The following SPATS2 variants were observed in gnomAD, a reference collection of about 807,000 sequenced individuals.
SPATS2 encodes the protein spermatogenesis associated serine rich 2, also known as spermatogenesis-associated serine-rich protein 2.
A neutral mutation model predicts 63.7 loss-of-function variants in SPATS2; 38 were observed. That is an observed-to-expected ratio of 0.60 (90% confidence interval 0.46 to 0.78). The LOEUF (loss-of-function observed/expected upper bound fraction) is 0.78. Among genes scored for constraint, SPATS2 ranks in the 30% least tolerant of loss-of-function variants. The pLI, the probability that SPATS2 is intolerant of heterozygous loss-of-function variation, is 0.00. For synonymous variants in SPATS2, 207 were observed against 232.9 expected (o/e 0.89, Z 1.01); for missense variants, 588 against 666.2 (o/e 0.88, Z 1.29).
chr12:49,392,574 G>A lies in SPATS2; in HGVS notation c.-244+21284G>A, dbSNP rs541471056. Among the ~76,000 whole-genome samples the A allele has an allele frequency of 7.9e-4, 120 of 151,924 alleles. 1 individual carries two copies. The highest frequency in any genetic ancestry group is 2.7e-3 in the African/African-American group (111 of 41,456). On this transcript the variant is annotated intron_variant, in intron 2 of 13. Transcript: ENST00000552918. ...CAAAAAATACAAAAATTGGTCAGGC[G>A]TGGTGGCAGGTGCCTGTAGTCCCAG...
intron 2 of SPATS2, among the ~76,000 whole-genome samples, chr12:49,422,267 C>T (rs1377010898): frequency 6.6e-6 from 1 of 152,150 alleles, no homozygotes; most frequent in Non-Finnish European, 1.5e-5. Context: ...ACTCGCAAAC[C>T]TCAAGTTCTT....
At chr12:49,423,621 C>A (rs1008526486) in intron 2 of SPATS2, among the ~76,000 whole-genome samples, 1 of 152,136 alleles carries the variant, frequency 6.6e-6, no homozygotes, top group Non-Finnish European at 1.5e-5. Flanking sequence ...AAATTATAAG[C>A]ATTCAATGAA....
intron 1 of SPATS2, among the ~76,000 whole-genome samples, chr12:49,370,168 T>C (rs1400290516): frequency 1.3e-5 from 2 of 152,212 alleles, no homozygotes; most frequent in Non-Finnish European, 2.9e-5. Flanking sequence ...TTATCCTTAT[T>C]TTTCAGATGA....
chr12:49,467,040 C>CTTTTT (rs1272353375), intron 3 of SPATS2, among the ~76,000 whole-genome samples: 1 of 94,682 alleles, frequency 1.1e-5, no homozygotes, highest in African/African-American at 3.9e-5. Context: ...ATAATTTGTT[C>CTTTTT]TTTGTTTTTT....
At chr12:49,452,444 C>T (rs1036279237) in intron 2 of SPATS2, among the ~76,000 whole-genome samples, 7 of 152,026 alleles carry the variant, frequency 4.6e-5, no homozygotes, top group Admixed American at 1.3e-4. Context: ...CACACCTGGC[C>T]GATTTTTAAT....
At chr12:49,385,246 T>A (rs1944291885) in intron 2 of SPATS2, among the ~76,000 whole-genome samples, 1 of 150,702 alleles carries the variant, frequency 6.6e-6, no homozygotes, top group African/African-American at 2.4e-5. Flanking sequence ...AGGAGTGAAA[T>A]GTTTAGTATT....
At chr12:49,401,334 A>G (rs1489624505) in intron 2 of SPATS2, among the ~76,000 whole-genome samples, 1 of 152,102 alleles carries the variant, frequency 6.6e-6, no homozygotes, top group African/African-American at 2.4e-5. Flanking sequence ...TTAAAGCCAC[A>G]TTTAGCTGCA....
At chr12:49,522,927 C>T in intron 12 of SPATS2, 74 bp downstream of exon 12, 1 of 1,250,664 alleles carries the variant, frequency 8.0e-7, no homozygotes, top group Admixed American at 2.0e-5. Flanking sequence ...ATTGTCTTCA[C>T]CACTGATTCC....
chr12:49,516,152 AAAAAAAAAAAAAAAATATAT>A (rs1946836986), intron 10 of SPATS2, among the ~76,000 whole-genome samples: 1 of 41,418 alleles, frequency 2.4e-5, no homozygotes, highest in South Asian at 9.8e-4. Context: ...AAAAAAAAAA[AAAAAAAAAAAAAAAATATAT>A]ATATATATAT....
intron 3 of SPATS2, among the ~76,000 whole-genome samples, chr12:49,474,323 A>G (rs1309906783): frequency 6.6e-6 from 1 of 152,206 alleles, no homozygotes; most frequent in Non-Finnish European, 1.5e-5. Context: ...AAGAAAAAAG[A>G]ATCTGACAGG....
chr12:49,433,179 G>C (rs559172817), intron 2 of SPATS2, among the ~76,000 whole-genome samples: 1 of 151,990 alleles, frequency 6.6e-6, no homozygotes, highest in South Asian at 2.1e-4. Flanking sequence ...GTTTTGTTTT[G>C]TTTGAGACGG....
At chr12:49,372,444 A>G (rs1430574982) in intron 2 of SPATS2, among the ~76,000 whole-genome samples, 2 of 152,162 alleles carry the variant, frequency 1.3e-5, no homozygotes. Context: ...TGCTAGCAGG[A>G]CACTTAGGGT....
chr12:49,487,492 T>TA (rs1218273550), intron 4 of SPATS2, among the ~76,000 whole-genome samples: 2 of 151,944 alleles, frequency 1.3e-5, no homozygotes, highest in African/African-American at 2.4e-5. Context: ...CTCCAAAAAA[T>TA]AAAAAAACGG....
intron 2 of SPATS2, among the ~76,000 whole-genome samples, chr12:49,403,640 C>CACACACAA (rs1555180265): frequency 2.1e-5 from 3 of 142,936 alleles, no homozygotes; most frequent in African/African-American, 8.1e-5. Flanking sequence ...CACACACACA[C>CACACACAA]AAACAAAACT....
chr12:49,495,595 G>A (rs753510758), intron 7 of SPATS2, among the ~76,000 whole-genome samples: 6 of 152,082 alleles, frequency 3.9e-5, no homozygotes, highest in Non-Finnish European at 7.4e-5. Context: ...TTATTGGAAC[G>A]CTGAGCATGT....
At position 49,409,054 on chromosome 12, in the gene SPATS2, A is replaced by T. The variant is rs1483933657; in HGVS notation, c.-244+37764A>T. On this transcript the variant is annotated intron_variant, in intron 2 of 13. Coordinates refer to ENST00000552918, the MANE Select transcript of SPATS2 (RefSeq NM_023071.4). ...AGATGGAATAATAATAGTACATTTG[A>T]CATTTGAATACATTTTTGGATTACA... is the stretch of plus-strand genomic sequence containing the variant. 2.6e-5 allele frequency among the ~76,000 whole-genome samples: 4 copies of T among 152,276 alleles called. No individual in the cohort carries two copies. The East Asian group carries it at 7.7e-4, about 29-fold the overall frequency.
chr12:49,477,962 CTTT>C (rs1002916907), intron 3 of SPATS2, among the ~76,000 whole-genome samples: 5 of 105,246 alleles, frequency 4.8e-5, no homozygotes, highest in African/African-American at 7.1e-5. Flanking sequence ...GTGGTTTTGT[CTTT>C]TTTTTTTTTT....
At chr12:49,374,210 G>A (rs572161290) in intron 2 of SPATS2, among the ~76,000 whole-genome samples, 10 of 151,856 alleles carry the variant, frequency 6.6e-5, no homozygotes, top group African/African-American at 1.7e-4. Flanking sequence ...AGTTCACTGC[G>A]TCCTTGAACT....
intron 2 of SPATS2, among the ~76,000 whole-genome samples, chr12:49,442,839 C>T (rs1945446724): frequency 1.4e-5 from 2 of 137,962 alleles, no homozygotes; most frequent in Admixed American, 7.9e-5. Flanking sequence ...TCACCATTAT[C>T]ACCATTCATG....
Sources: gnomAD v4.1 joint callset for allele counts (sites outside exome capture counted in the v4.1 genomes callset) on GRCh38, gnomAD v4.1.1 for gene constraint, MANE v1.5 for transcripts, NCBI Gene and HGNC (gene_info 2026-07-23, HGNC 2026-07-21) for gene names.